Variants in USP31 observed in about 807,000 individuals in gnomAD.
USP31 encodes ubiquitin carboxyl-terminal hydrolase 31.
Under a neutral mutation model 119.4 loss-of-function variants are expected in USP31, and 44 were observed. The ratio of observed to expected loss-of-function variants is 0.37; its 90% CI spans 0.29 to 0.47. The LOEUF (loss-of-function observed/expected upper bound fraction) is 0.47. USP31 is among the 20% of genes least tolerant of loss of function. The pLI is 0.99. For missense variants in USP31, 1,643 were observed against 1,730.2 expected (o/e 0.95, Z 0.89); for synonymous variants, 749 against 705.6 (o/e 1.06, Z -0.97).
At chr16:23,080,250 T>A (rs971407902) in intron 12 of USP31, 79 bp from the exon 13 acceptor site, 2 of 1,271,046 alleles carry the variant, frequency 1.6e-6, no homozygotes, top group African/African-American at 1.5e-5. Context: ...GGAATGTGGA[T>A]CCTATCAGAC....
In USP31 at chr16:23,080,050, G is replaced by A. The variant is rs769007067; in HGVS notation, c.2072C>T (p.Pro691Leu). The A allele has an allele frequency of 7.4e-6, 12 of 1,614,064 alleles. No homozygotes were observed. The highest frequency in any genetic ancestry group is 2.2e-5 in the South Asian group (2 of 91,074). Residue 691 changes from proline to leucine, a missense_variant, in exon 13 of 16, where the codon CCG (proline) becomes CTG (leucine). Around this residue, in one of 5 missense-constraint regions of USP31, gnomAD observed 279 missense variants for 372.2 expected, o/e 0.75. Coordinates refer to ENST00000219689, the MANE Select transcript of USP31 (RefSeq NM_020718.4). ...SSWSLPSHWS[P>L]WRRPYGLGRD... is the part of the protein sequence containing the mutation. ...CCCGAGTCCATAGGGCCGTCTCCAC[G>A]GGGACCAATGCGATGGCAAACTCCA... is the stretch of plus-strand genomic sequence containing the variant.
intron 12 of USP31, among the ~76,000 whole-genome samples, chr16:23,081,410 C>T (rs1272966402): frequency 1.3e-5 from 2 of 152,140 alleles, no homozygotes; most frequent in Admixed American, 6.5e-5. Context: ...AGCCCCAGAC[C>T]TGGGGACCAT....
At chr16:23,111,935 C>T (rs1006699566) in intron 1 of USP31, among the ~76,000 whole-genome samples, 3 of 152,052 alleles carry the variant, frequency 2.0e-5, no homozygotes, top group Non-Finnish European at 2.9e-5. Flanking sequence ...AACAGATTTG[C>T]GATTTGCATC....
At chr16:23,147,026 C>G (rs749775125) in intron 1 of USP31, among the ~76,000 whole-genome samples, 9 of 150,256 alleles carry the variant, frequency 6.0e-5, no homozygotes, top group Non-Finnish European at 1.2e-4. Context: ...AGGCTAACAT[C>G]AAGCTGAGAC....
In USP31 at chr16:23,085,625, C is replaced by G; in HGVS notation, c.1660G>C (p.Val554Leu). The change falls in exon 10 of 16, where the codon GTG (valine) becomes CTG (leucine). Residue 554 changes from valine (V) to leucine (L), a missense_variant. Physicochemically the swap from Val to Leu is conservative, Grantham distance 32 (BLOSUM62 1). Around this residue, in one of 5 missense-constraint regions of USP31, gnomAD observed 279 missense variants for 372.2 expected, o/e 0.75. Transcript: ENST00000219689. ...KSCGPGGTAH[V>L]KLVVEWDKET... Reference sequence around the variant, plus strand: ...TTGTCCCACTCGACTACTAATTTCACATGAGCAGTGCCACCTGGTCCACAA... The same window carrying G: ...TTGTCCCACTCGACTACTAATTTCAGATGAGCAGTGCCACCTGGTCCACAA... 1 of 1,614,110 alleles carries G rather than the reference C, an allele frequency of 6.2e-7. No homozygotes were observed. Among genetic ancestry groups the G allele is most frequent in the Non-Finnish European group, 8.5e-7 (1 of 1,179,992 alleles).
At chr16:23,083,181 G>A (rs1900915285) in intron 11 of USP31, among the ~76,000 whole-genome samples, 1 of 152,132 alleles carries the variant, frequency 6.6e-6, no homozygotes, top group African/African-American at 2.4e-5. Flanking sequence ...GAATTATTTA[G>A]TGATCAAGAC....
intron 7 of USP31, 115 bp downstream of exon 7, chr16:23,090,509 A>G (rs1409694641): frequency 2.7e-6 from 3 of 1,100,076 alleles, no homozygotes; most frequent in African/African-American, 3.1e-5. Flanking sequence ...TCTAAATATC[A>G]GAATCAAAAA....
intron 1 of USP31, among the ~76,000 whole-genome samples, chr16:23,114,718 G>A (rs112442675): frequency 5.3e-5 from 8 of 152,254 alleles, no homozygotes; most frequent in African/African-American, 1.4e-4. Flanking sequence ...TGTTGGGCAC[G>A]ACCCAACAGG....
chr16:23,068,299 T>A lies in USP31; in HGVS notation c.3806A>T (p.Asp1269Val). The A allele has an allele frequency of 6.2e-7, 1 of 1,614,004 alleles. No individual in the cohort carries two copies. Among genetic ancestry groups the A allele is most frequent in the Non-Finnish European group, 8.5e-7 (1 of 1,179,866 alleles). The change falls in exon 16 of 16, where the codon GAC becomes GTC. Residue 1269 changes from aspartate to valine, a missense_variant. This residue lies in a region of USP31 where 699 missense variants were observed against 650.9 expected (regional missense o/e 1.07). Coordinates refer to ENST00000219689, the MANE Select transcript of USP31 (RefSeq NM_020718.4). ...VKSVCKNTGDDEAERGHQPPA... is the reference protein window; with the variant it reads ...VKSVCKNTGDVEAERGHQPPA... The stretch of plus-strand genomic sequence containing the variant: ...AGGCTGGTGGCCTCTCTCTGCCTCG[T>A]CGTCCCCGGTGTTCTTACAGACAGA...
intron 7 of USP31, among the ~76,000 whole-genome samples, chr16:23,088,078 A>G (rs1901191142): frequency 6.6e-6 from 1 of 152,188 alleles, no homozygotes; most frequent in African/African-American, 2.4e-5. Flanking sequence ...GTGCTAGGAC[A>G]GCAGGTGGCA....
chr16:23,097,478 G>A (rs1901662387), intron 6 of USP31, among the ~76,000 whole-genome samples: 1 of 152,184 alleles, frequency 6.6e-6, no homozygotes. Flanking sequence ...CATTTTATGA[G>A]GCCAGCATCA....
At position 23,087,167 on chromosome 16, in the gene USP31, C is replaced by T. The variant is rs1250909754; in HGVS notation, c.1547G>A (p.Arg516His). ...TGTTATTCCAACAACACTGACCACA[C>T]GCAAGCTGAATGGACACACCTGCAT... ...VCIQVCPFSL[R>H]VVSVVGITYL... is the part of the protein sequence containing the mutation. Residue 516 changes from arginine to histidine, a missense_variant, in exon 9 of 16, where the codon CGT becomes CAT. By Grantham distance (29) the Arg-to-His change is conservative. Coordinates refer to ENST00000219689, the MANE Select transcript of USP31 (RefSeq NM_020718.4). The T allele has an allele frequency of 1.9e-6, 3 of 1,613,256 alleles. No individual in the cohort carries two copies. Among genetic ancestry groups the T allele is most frequent in the Non-Finnish European group, 2.5e-6 (3 of 1,179,758 alleles).
chr16:23,087,593 C>G, intron 8 of USP31, 131 bp downstream of exon 8: 1 of 819,642 alleles, frequency 1.2e-6, no homozygotes, highest in Non-Finnish European at 1.9e-6. Context: ...GTGGCTAGCT[C>G]TTTCATAAAA....
chr16:23,148,380 C>G (rs1903591209), intron 1 of USP31, among the ~76,000 whole-genome samples: 1 of 152,220 alleles, frequency 6.6e-6, no homozygotes, highest in African/African-American at 2.4e-5. Context: ...TGCAACGTCA[C>G]TCCCATTGCC....
intron 1 of USP31, among the ~76,000 whole-genome samples, chr16:23,111,172 C>T (rs1902305750): frequency 6.6e-6 from 1 of 151,848 alleles, no homozygotes; most frequent in African/African-American, 2.4e-5. Flanking sequence ...ATAAAAAAGA[C>T]AGAAAGCAGG....
chr16:23,086,984 C>A, intron 9 of USP31, 108 bp downstream of exon 9: 4 of 782,060 alleles, frequency 5.1e-6, no homozygotes, highest in Non-Finnish European at 8.0e-6. Flanking sequence ...CGAAATAAGC[C>A]TAAAGAACCC....
Position 23,068,554 on chromosome 16 carries a change from G to C in USP31, c.3551C>G (p.Ala1184Gly). Residue 1184 changes from alanine (A) to glycine (G), a missense_variant, in exon 16 of 16, where the codon GCC becomes GGC. Transcript: ENST00000219689. ...GGCCCCCCTGCCCTCCCCTGCTCGGGCCTGGCTCACCCGAGGGGAATTGGG... is the reference window on the plus strand; with the variant it reads ...GGCCCCCCTGCCCTCCCCTGCTCGGCCCTGGCTCACCCGAGGGGAATTGGG... ...SKPNSPRVSQ[A>G]RAGEGRGAGK... 1 of 1,614,094 alleles carries C rather than the reference G, an allele frequency of 6.2e-7. No individual in the cohort carries two copies. The highest frequency in any genetic ancestry group is 1.7e-5 in the Admixed American group (1 of 60,028).
rs1899995288 is a variant in USP31, at chr16:23,064,669, T to G, written c.*3377A>C. On this transcript the variant is annotated 3_prime_UTR_variant, in exon 16 of 16. Coordinates refer to ENST00000219689, the MANE Select transcript of USP31 (RefSeq NM_020718.4). ...TTAGCCGATTTGACCGGAATCCACG[T>G]GATCTCTTTTCCCAGGAGAACTGTC... is the stretch of plus-strand genomic sequence containing the variant. 1 of 152,202 alleles carries G rather than the reference T, an allele frequency of 6.6e-6. No individual in the cohort carries two copies. Among genetic ancestry groups the G allele is most frequent in the African/African-American group, 2.4e-5 (1 of 41,452 alleles). 9.4% of individuals were successfully genotyped at this position (152,202 alleles called of 1,614,324 possible).
rs1282262006 is a variant in USP31, at chr16:23,082,455, G to A, written c.1933C>T (p.Leu645=). The part of the protein sequence containing the change: ...WTLPDVLIIH[L]KRFRQEGDRR... ...TTCCATACCTGCCGAAATCTCTTTA[G>A]ATGTATAATAAGCACATCAGGCAGA... The change falls in exon 12 of 16, where the codon CTA becomes TTA. Residue 645 remains leucine, a synonymous_variant. Transcript: ENST00000219689. The A allele has an allele frequency of 1.5e-5, 24 of 1,614,044 alleles. No homozygotes were observed. Among genetic ancestry groups the A allele is most frequent in the South Asian group, 7.7e-5 (7 of 91,082 alleles).
Sources: allele counts gnomAD v4.1 joint callset (sites outside exome capture counted in the v4.1 genomes callset), GRCh38; gene constraint gnomAD v4.1.1; regional missense constraint gnomAD v4.1.1; transcripts MANE v1.5; gene names NCBI Gene and HGNC (gene_info 2026-07-23, HGNC 2026-07-21).